The following TP63 variants were observed in gnomAD, a reference collection of about 807,000 sequenced individuals.
TP63 encodes the protein tumor protein 63.
TP63 carries 17 observed loss-of-function variants against 82.8 expected under a neutral mutation model. The ratio of observed to expected loss-of-function variants is 0.21; its 90% CI spans 0.14 to 0.31. TP63 has a LOEUF of 0.31. TP63 is among the 10% of genes least tolerant of loss of function. The pLI, the probability that TP63 is intolerant of heterozygous loss-of-function variation, is 1.00. For missense variants in TP63, 648 were observed against 895.3 expected (o/e 0.72, Z 3.52); for synonymous variants, 330 against 321.7 (o/e 1.03, Z -0.28).
chr3:189,816,074 A>G (rs1289270594), intron 4 of TP63, among the ~76,000 whole-genome samples: 1 of 152,206 alleles, frequency 6.6e-6, no homozygotes, highest in Non-Finnish European at 1.5e-5. Flanking sequence ...AACTCCTTAA[A>G]ATTGGCCAAA....
chr3:189,600,680 G>A, the TP63 span, among the ~76,000 whole-genome samples: 1 of 151,912 alleles, frequency 6.6e-6, no homozygotes, highest in Non-Finnish European at 1.5e-5. Context: ...ATTAATGTTC[G>A]ATCTAGGTCT....
At chr3:189,691,352 A>AG (rs1472555174) in intron 1 of TP63, among the ~76,000 whole-genome samples, 1 of 147,114 alleles carries the variant, frequency 6.8e-6, no homozygotes, top group South Asian at 2.1e-4. Context: ...AAAAAAAAAA[A>AG]AAAAAAAAGA....
intron 4 of TP63, among the ~76,000 whole-genome samples, chr3:189,824,224 ATTT>A (rs934668608): frequency 1.3e-5 from 2 of 149,086 alleles, no homozygotes; most frequent in Non-Finnish European, 3.0e-5. Flanking sequence ...TATTATTATT[ATTT>A]TTTTTTTGAG....
At chr3:189,830,406 T>C (rs1712143316) in intron 4 of TP63, among the ~76,000 whole-genome samples, 1 of 152,060 alleles carries the variant, frequency 6.6e-6, no homozygotes. Context: ...TGAAAAAAAA[T>C]GTATATCCTG....
At chr3:189,794,424 A>AT (rs1725484652) in intron 3 of TP63, among the ~76,000 whole-genome samples, 1 of 152,000 alleles carries the variant, frequency 6.6e-6, no homozygotes, top group Non-Finnish European at 1.5e-5. Context: ...AAGAAAGTCT[A>AT]TATGCATATG....
At chr3:189,681,134 T>C (rs913629337) in intron 1 of TP63, among the ~76,000 whole-genome samples, 14 of 152,174 alleles carry the variant, frequency 9.2e-5, no homozygotes, top group Non-Finnish European at 2.1e-4. Flanking sequence ...ACTTCTGTGC[T>C]CCTATAATCT....
At chr3:189,893,430 C>T (rs1362902480) in intron 13 of TP63, among the ~76,000 whole-genome samples, 1 of 152,212 alleles carries the variant, frequency 6.6e-6, no homozygotes, top group African/African-American at 2.4e-5. Flanking sequence ...TGAGCTATCA[C>T]TGAAACAATC....
chr3:189,663,667 AC>A (rs1260975425), intron 1 of TP63, among the ~76,000 whole-genome samples: 1 of 151,574 alleles, frequency 6.6e-6, no homozygotes, highest in African/African-American at 2.4e-5. Context: ...AACTGGGATT[AC>A]AGGCACATGC....
intron 4 of TP63, among the ~76,000 whole-genome samples, chr3:189,851,390 G>T (rs1299959606): frequency 6.6e-6 from 1 of 152,082 alleles, no homozygotes; most frequent in South Asian, 2.1e-4. Context: ...GGGAAACCCC[G>T]TCTCTGCTGA....
chr3:189,657,569 A>G (rs1275589915), intron 1 of TP63, among the ~76,000 whole-genome samples: 3 of 152,146 alleles, frequency 2.0e-5, no homozygotes, highest in Non-Finnish European at 2.9e-5. Context: ...ATTTAACAAT[A>G]TTGCAACAAC....
chr3:189,890,448 G>A (rs905188817), intron 12 of TP63, among the ~76,000 whole-genome samples: 1 of 152,174 alleles, frequency 6.6e-6, no homozygotes, highest in Non-Finnish European at 1.5e-5. Flanking sequence ...GAGCCAAGCA[G>A]CAAGAAAGCT....
At chr3:189,746,796 AT>A (rs1221692346) in intron 3 of TP63, among the ~76,000 whole-genome samples, 1 of 150,174 alleles carries the variant, frequency 6.7e-6, no homozygotes, top group African/African-American at 2.4e-5. Context: ...TAATATATAA[AT>A]ATATATTTCA....
rs1329945697 is a variant in TP63, at chr3:189,646,222, A to G, written c.62+14645A>G. Among the ~76,000 whole-genome samples, 2 of 147,176 alleles carry G rather than the reference A, an allele frequency of 1.4e-5. 1 individual carries two copies. The highest frequency in any genetic ancestry group is 3.0e-5 in the Non-Finnish European group (2 of 67,332). On this transcript the variant is annotated intron_variant, in intron 1 of 13. Transcript: ENST00000264731. ...CAACAATCTGTATCTTAACACAGTT[A>G]ACAGGGAATTCTGATGCACATGGAA... is the stretch of plus-strand genomic sequence containing the variant.
intron 4 of TP63, among the ~76,000 whole-genome samples, chr3:189,842,814 A>G (rs1714326053): frequency 6.6e-6 from 1 of 152,172 alleles, no homozygotes; most frequent in African/African-American, 2.4e-5. Flanking sequence ...ATGTAAGAGT[A>G]AGCCGACCTT....
intron 4 of TP63, among the ~76,000 whole-genome samples, chr3:189,849,553 GA>G (rs1157897533): frequency 3.3e-5 from 5 of 151,990 alleles, no homozygotes; most frequent in Non-Finnish European, 7.4e-5. Flanking sequence ...GAGAGGAGAG[GA>G]AAAAACACAG....
At chr3:189,848,722 T>G (rs1434455053) in intron 4 of TP63, among the ~76,000 whole-genome samples, 3 of 152,360 alleles carry the variant, frequency 2.0e-5, no homozygotes, top group African/African-American at 7.2e-5. Flanking sequence ...TGAGTTCACT[T>G]CTTCATTACC....
At chr3:189,789,369 G>A (rs1724890824) in intron 3 of TP63, among the ~76,000 whole-genome samples, 2 of 151,868 alleles carry the variant, frequency 1.3e-5, no homozygotes, top group Admixed American at 1.3e-4. Context: ...TGGTGGTGCG[G>A]TTTGTTTGGG....
chr3:189,679,041 G>A (rs1212977709), intron 1 of TP63, among the ~76,000 whole-genome samples: 1 of 151,940 alleles, frequency 6.6e-6, no homozygotes, highest in South Asian at 2.1e-4. Context: ...TTCATGTTTA[G>A]ATGAACAGAG....
At chr3:189,864,530 G>C (rs1373603828) in intron 5 of TP63, 112 bp downstream of exon 5, 5 of 488,220 alleles carry the variant, frequency 1.0e-5, no homozygotes, top group East Asian at 4.6e-5. Flanking sequence ...TCCGATGGCA[G>C]ATCAGTCTGC....
Sources: gnomAD v4.1 joint callset for allele counts (sites outside exome capture counted in the v4.1 genomes callset) on GRCh38, gnomAD v4.1.1 for gene constraint, MANE v1.5 for transcripts, NCBI Gene and HGNC (gene_info 2026-07-23, HGNC 2026-07-21) for gene names.